Variants in FCHSD2 observed in about 807,000 individuals in gnomAD.
FCHSD2 encodes FCH and double SH3 domains 2.
Under a neutral mutation model 108.1 loss-of-function variants are expected in FCHSD2, and 38 were observed. The observed-to-expected ratio is 0.35, with a 90% CI of 0.27 to 0.46. The LOEUF is 0.46. Among genes scored for constraint, FCHSD2 ranks in the 20% least tolerant of loss-of-function variants. FCHSD2 has a pLI of 1.00. For missense variants in FCHSD2, 751 were observed against 897.8 expected (o/e 0.84, Z 2.09); for synonymous variants, 279 against 314.7 (o/e 0.89, Z 1.20).
intron 3 of FCHSD2, among the ~76,000 whole-genome samples, chr11:73,047,208 C>T (rs1344911397): frequency 6.6e-6 from 1 of 150,756 alleles, no homozygotes; most frequent in Non-Finnish European, 1.5e-5. Flanking sequence ...TCATGTACCA[C>T]CCATATTATT....
At chr11:73,131,130 C>G (rs1251363781) in intron 2 of FCHSD2, among the ~76,000 whole-genome samples, 1 of 152,088 alleles carries the variant, frequency 6.6e-6, no homozygotes, top group African/African-American at 2.4e-5. Flanking sequence ...GCCTGTAATC[C>G]CAGCACTTTG....
intron 13 of FCHSD2, among the ~76,000 whole-genome samples, chr11:72,865,839 G>A (rs1854708243): frequency 6.6e-6 from 1 of 152,182 alleles, no homozygotes; most frequent in African/African-American, 2.4e-5. Flanking sequence ...TGAGTTAGAA[G>A]TAAGCAATCT....
chr11:73,086,324 G>T (rs1010966035), intron 2 of FCHSD2, among the ~76,000 whole-genome samples: 3 of 152,162 alleles, frequency 2.0e-5, no homozygotes, highest in African/African-American at 7.2e-5. Context: ...CAGGAGAATT[G>T]CTTGAACCCA....
At chr11:72,843,367 C>A in intron 15 of FCHSD2, 39 bp from the exon 16 acceptor site, 1 of 1,548,602 alleles carries the variant, frequency 6.5e-7, no homozygotes, top group Non-Finnish European at 8.9e-7. Flanking sequence ...TTTACACACA[C>A]AATTTAGACA....
At chr11:73,129,969 C>G (rs1245287198) in intron 2 of FCHSD2, among the ~76,000 whole-genome samples, 1 of 150,348 alleles carries the variant, frequency 6.7e-6, no homozygotes, top group Non-Finnish European at 1.5e-5. Flanking sequence ...AGCTCTGCCT[C>G]CCGGGTTCAC....
intron 3 of FCHSD2, among the ~76,000 whole-genome samples, chr11:73,024,157 C>T (rs1192661131): frequency 2.6e-5 from 4 of 151,614 alleles, no homozygotes; most frequent in South Asian, 2.1e-4. Flanking sequence ...TCTTAATATA[C>T]GTAAATTAAA....
intron 3 of FCHSD2, among the ~76,000 whole-genome samples, chr11:73,082,347 A>AAAG (rs1859712442): frequency 1.4e-5 from 2 of 148,066 alleles, no homozygotes; most frequent in Admixed American, 1.3e-4. Flanking sequence ...AAAAAAAAAA[A>AAAG]AAAAAAAAAA....
chr11:73,061,950 C>T (rs969853250), intron 3 of FCHSD2, among the ~76,000 whole-genome samples: 3 of 152,146 alleles, frequency 2.0e-5, no homozygotes, highest in Non-Finnish European at 2.9e-5. Flanking sequence ...GCACTGTGTT[C>T]GAGCTCTGTG....
intron 13 of FCHSD2, among the ~76,000 whole-genome samples, chr11:72,867,054 A>T (rs1479333414): frequency 1.3e-5 from 2 of 152,238 alleles, no homozygotes; most frequent in Non-Finnish European, 2.9e-5. Context: ...TGGCAATTAC[A>T]TTCTAGAGAG....
intron 8 of FCHSD2, among the ~76,000 whole-genome samples, chr11:72,923,196 C>T (rs1856008001): frequency 6.6e-6 from 1 of 152,072 alleles, no homozygotes; most frequent in African/African-American, 2.4e-5. Flanking sequence ...GCCTTTTCCC[C>T]ATTTTTTGAC....
intron 8 of FCHSD2, among the ~76,000 whole-genome samples, chr11:72,935,414 A>G (rs1856280850): frequency 6.6e-6 from 1 of 152,212 alleles, no homozygotes; most frequent in Non-Finnish European, 1.5e-5. Context: ...TTCTTTTCTG[A>G]GAGCAACGGG....
At chr11:72,849,730 A>G (rs990379567) in intron 14 of FCHSD2, 25 bp downstream of exon 14, 1 of 1,567,440 alleles carries the variant, frequency 6.4e-7, no homozygotes, top group Non-Finnish European at 8.8e-7. Context: ...AGAATTTAAT[A>G]ACATTATGTT....
At chr11:73,082,789 C>T (rs1224458145) in intron 3 of FCHSD2, among the ~76,000 whole-genome samples, 1 of 152,146 alleles carries the variant, frequency 6.6e-6, no homozygotes, top group Non-Finnish European at 1.5e-5. Flanking sequence ...GAATACTCCC[C>T]CACATATAAA....
chr11:73,047,987 G>T (rs1207616600), intron 3 of FCHSD2, among the ~76,000 whole-genome samples: 5 of 152,112 alleles, frequency 3.3e-5, no homozygotes, highest in African/African-American at 1.2e-4. Context: ...GCCATAATTA[G>T]AACTCTAATG....
chr11:72,899,866 T>C (rs1246733411), intron 10 of FCHSD2, among the ~76,000 whole-genome samples: 1 of 152,192 alleles, frequency 6.6e-6, no homozygotes, highest in Non-Finnish European at 1.5e-5. Context: ...ACATTTCTTC[T>C]TAGAAGACAG....
rs578250873 is a variant in FCHSD2 at position 73,092,816 on chromosome 11, T to G, written c.120-9076A>C. Among the ~76,000 whole-genome samples, 20 of 152,256 alleles carry G rather than the reference T, an allele frequency of 1.3e-4. No homozygotes were observed. In the South Asian group the frequency reaches 3.9e-3, roughly 30 times the overall value. ...TCAAGGAGGGCATCGGAGTATACAG[T>G]AAAGGATTAACCCTACCCAAAGACA... On this transcript the variant is annotated intron_variant, in intron 2 of 19. Transcript: ENST00000409418.
chr11:72,875,425 C>G (rs1323087638), intron 12 of FCHSD2, among the ~76,000 whole-genome samples: 1 of 152,146 alleles, frequency 6.6e-6, no homozygotes, highest in Non-Finnish European at 1.5e-5. Context: ...TGCAGTGGTG[C>G]AATAATAGCT....
chr11:73,138,239 G>A (rs920297229), intron 2 of FCHSD2, among the ~76,000 whole-genome samples: 29 of 152,134 alleles, frequency 1.9e-4, no homozygotes, highest in African/African-American at 6.3e-4. Flanking sequence ...GAAAAATTAA[G>A]TTTATAAAGA....
chr11:72,940,620 C>A, intron 8 of FCHSD2: 1 of 1,443,498 alleles, frequency 6.9e-7, no homozygotes, highest in Non-Finnish European at 9.7e-7. Flanking sequence ...GGGCTCCCCG[C>A]CCCACCCAGC....
Sources: gnomAD v4.1 joint callset for allele counts (sites outside exome capture counted in the v4.1 genomes callset) on GRCh38, gnomAD v4.1.1 for gene constraint, MANE v1.5 for transcripts, NCBI Gene and HGNC (gene_info 2026-07-23, HGNC 2026-07-21) for gene names.